Variants in STK3 observed in about 807,000 individuals in gnomAD.
STK3 encodes the protein serine/threonine-protein kinase 3.
In STK3, 41 loss-of-function variants were observed where a neutral mutation model predicts 58.0. That is an observed-to-expected ratio of 0.71 (90% confidence interval 0.55 to 0.92). The LOEUF is 0.92. Among genes scored for constraint, STK3 ranks in the 40% least tolerant of loss-of-function variants. The probability of loss-of-function intolerance (pLI) is 0.00; values close to 1 mark genes in which losing one functional copy is unlikely to be tolerated. For synonymous variants in STK3, 170 were observed against 191.0 expected (o/e 0.89, Z 0.91); for missense variants, 479 against 602.7 (o/e 0.79, Z 2.15).
intron 8 of STK3, among the ~76,000 whole-genome samples, chr8:98,560,332 C>T (rs1221426787): frequency 6.6e-6 from 1 of 151,896 alleles, no homozygotes; most frequent in Non-Finnish European, 1.5e-5. Flanking sequence ...ACAAAAAACT[C>T]CTAGAACTAA....
chr8:98,577,039 T>C (rs1207753801), intron 8 of STK3, among the ~76,000 whole-genome samples: 1 of 152,238 alleles, frequency 6.6e-6, no homozygotes, highest in Non-Finnish European at 1.5e-5. Context: ...TAATGCTTTC[T>C]TATCAAAATC....
At chr8:98,760,493 G>T (rs1187783542) in intron 3 of STK3, among the ~76,000 whole-genome samples, 1 of 152,030 alleles carries the variant, frequency 6.6e-6, no homozygotes, top group Non-Finnish European at 1.5e-5. Flanking sequence ...AAATTTCACT[G>T]GGTGGAAGAA....
intron 1 of STK3, among the ~76,000 whole-genome samples, chr8:98,388,022 G>A (rs1175167574): frequency 2.6e-5 from 4 of 151,846 alleles, no homozygotes; most frequent in South Asian, 2.1e-4. Flanking sequence ...GACAATTTGA[G>A]CACTGAAATG....
chr8:98,751,998 A>G (rs929866055), intron 3 of STK3, among the ~76,000 whole-genome samples: 3 of 152,112 alleles, frequency 2.0e-5, no homozygotes, highest in Admixed American at 1.3e-4. Flanking sequence ...ACAAACACAC[A>G]TCATTAAAAT....
intron 1 of STK3, among the ~76,000 whole-genome samples, chr8:98,441,496 T>C (rs1818693797): frequency 6.6e-6 from 1 of 152,232 alleles, no homozygotes. Context: ...GCCATCTGAC[T>C]GGCAAGTGGC....
chr8:98,760,740 G>A (rs1418921127), intron 3 of STK3, among the ~76,000 whole-genome samples: 1 of 151,468 alleles, frequency 6.6e-6, no homozygotes, highest in Non-Finnish European at 1.5e-5. Flanking sequence ...GGGGGCTTCT[G>A]GGCTTCCTCT....
intron 1 of STK3, 87 bp downstream of exon 1, chr8:98,825,428 G>A (rs996356760): frequency 2.5e-5 from 31 of 1,244,034 alleles, no homozygotes; most frequent in Non-Finnish European, 3.2e-5. Flanking sequence ...GGCGGGGAGA[G>A]GCTCGCAGCA....
chr8:98,854,282 G>C (rs1331755012), intron 3 of STK3, among the ~76,000 whole-genome samples: 1 of 151,974 alleles, frequency 6.6e-6, no homozygotes, highest in Non-Finnish European at 1.5e-5. Flanking sequence ...GGGATTACAG[G>C]TGCCCACCAC....
chr8:98,596,736 T>C (rs1210822217), intron 6 of STK3, among the ~76,000 whole-genome samples: 3 of 152,064 alleles, frequency 2.0e-5, no homozygotes, highest in Non-Finnish European at 4.4e-5. Context: ...GATTGAGTAC[T>C]TATAATTTAG....
chr8:98,697,879 C>G (rs979115308), intron 6 of STK3, among the ~76,000 whole-genome samples: 2 of 152,242 alleles, frequency 1.3e-5, no homozygotes, highest in South Asian at 4.1e-4. Flanking sequence ...TCTATTAGGT[C>G]TGCTTGGTGC....
intron 1 of STK3, among the ~76,000 whole-genome samples, chr8:98,890,394 A>T (rs947980482): frequency 1.3e-5 from 2 of 152,220 alleles, no homozygotes; most frequent in Non-Finnish European, 2.9e-5. Flanking sequence ...TGACAGCCAC[A>T]ACAGCCTTTA....
downstream of STK3, among the ~76,000 whole-genome samples, chr8:98,450,424 G>A (rs758241408): frequency 2.4e-4 from 36 of 152,316 alleles, no homozygotes; most frequent in Non-Finnish European, 4.7e-4. Flanking sequence ...CCCAATTGCT[G>A]TATTACAGAT....
chr8:98,538,713 A>C (rs1233181831), intron 9 of STK3, among the ~76,000 whole-genome samples: 3 of 152,188 alleles, frequency 2.0e-5, no homozygotes, highest in East Asian at 3.8e-4. Flanking sequence ...TACAGGGAAG[A>C]CTAATATTTA....
chr8:98,873,614 A>G (rs201218591), intron 3 of STK3, among the ~76,000 whole-genome samples: 6 of 150,652 alleles, frequency 4.0e-5, no homozygotes, highest in South Asian at 4.2e-4. Flanking sequence ...TGTCTCTTTT[A>G]ATCTTTGTTG....
chr8:98,863,918 C>T (rs928057444), intron 3 of STK3, among the ~76,000 whole-genome samples: 1 of 151,950 alleles, frequency 6.6e-6, no homozygotes, highest in African/African-American at 2.4e-5. Flanking sequence ...TGAATCAGGA[C>T]GGGCGCGGTG....
At chr8:98,706,262 T>C (rs1219949359) in intron 6 of STK3, among the ~76,000 whole-genome samples, 1 of 152,190 alleles carries the variant, frequency 6.6e-6, no homozygotes, top group Non-Finnish European at 1.5e-5. Flanking sequence ...GGTAGAGATA[T>C]ACAAAGCCTT....
At chr8:98,592,227 G>C (rs1247925320) in intron 7 of STK3, among the ~76,000 whole-genome samples, 2 of 152,154 alleles carry the variant, frequency 1.3e-5, no homozygotes, top group East Asian at 1.9e-4. Flanking sequence ...ACTGTTGTCT[G>C]TATCTAAACT....
At chr8:98,676,393 G>A (rs964544445) in intron 6 of STK3, among the ~76,000 whole-genome samples, 5 of 152,166 alleles carry the variant, frequency 3.3e-5, no homozygotes, top group African/African-American at 7.2e-5. Context: ...GGGATCACCC[G>A]AGGTCAGGAG....
intron 1 of STK3, among the ~76,000 whole-genome samples, chr8:98,930,075 G>C (rs1839951805): frequency 6.7e-6 from 1 of 149,728 alleles, no homozygotes; most frequent in Non-Finnish European, 1.5e-5. Context: ...CAACATGTAG[G>C]AAGTGGTATA....
Sources: gnomAD v4.1 joint callset for allele counts (sites outside exome capture counted in the v4.1 genomes callset) on GRCh38, gnomAD v4.1.1 for gene constraint, MANE v1.5 for transcripts, NCBI Gene and HGNC (gene_info 2026-07-23, HGNC 2026-07-21) for gene names.